The following LRBA variants were observed in gnomAD, a reference collection of about 807,000 sequenced individuals.
The protein encoded by LRBA is lipopolysaccharide-responsive and beige-like anchor protein.
In LRBA, 176 loss-of-function variants were observed where a neutral mutation model predicts 330.0. The ratio of observed to expected loss-of-function variants is 0.53; its 90% confidence interval spans 0.47 to 0.60. LRBA has a LOEUF of 0.60. Among genes scored for constraint, LRBA ranks in the 20% least tolerant of loss-of-function variants. The probability of loss-of-function intolerance (pLI) is 0.00; values close to 1 mark genes in which losing one functional copy is unlikely to be tolerated. For missense variants in LRBA, 3,259 were observed against 3,444.8 expected, an observed-to-expected ratio of 0.95 and a Z score of 1.35; for synonymous variants, 1,230 against 1,193.0, an observed-to-expected ratio of 1.03 and a Z score of -0.64.
At chr4:150,859,631 GAGGAGAGGCATAT>G (rs1453156846) in intron 22 of LRBA, among the ~76,000 whole-genome samples, 17 of 152,196 alleles carry the variant, frequency 1.1e-4, no homozygotes, top group African/African-American at 4.1e-4. Context: ...TCAGCTGCTG[GAGGAGAGGCATAT>G]AGTGACAAAC....
rs1286585435 is a variant in LRBA, at chr4:150,436,730, T to C, written c.6915A>G (p.Leu2305=). 4.3e-6 allele frequency: 7 copies of C among 1,611,994 alleles called. 1 individual carries two copies. Among genetic ancestry groups the C allele is most frequent in the Non-Finnish European group, 5.1e-6 (6 of 1,178,768 alleles). The change falls in exon 45 of 57, where the codon CTA becomes CTG. Residue 2305 remains leucine (L), a synonymous_variant. Coordinates refer to ENST00000651943, the MANE Select transcript of LRBA (RefSeq NM_001364905.1). ...STASFVLAWL[L]RIEPFTTYFL... ...TTATTCAAATTGAACTTACTATTCTTAGCAGCCATGCAAGAACAAAACTTG... is the reference window on the plus strand; with the variant it reads ...TTATTCAAATTGAACTTACTATTCTCAGCAGCCATGCAAGAACAAAACTTG...
At chr4:150,515,417 A>T (rs1219162727) in intron 40 of LRBA, among the ~76,000 whole-genome samples, 1 of 152,184 alleles carries the variant, frequency 6.6e-6, no homozygotes, top group Non-Finnish European at 1.5e-5. Flanking sequence ...TAAAATAAAG[A>T]CTTTTTACCA....
intron 34 of LRBA, among the ~76,000 whole-genome samples, chr4:150,787,629 T>C (rs1221597772): frequency 6.6e-6 from 1 of 152,210 alleles, no homozygotes; most frequent in East Asian, 1.9e-4. Context: ...AAATGGGGTA[T>C]CCATCCCCTC....
At chr4:150,739,682 C>T (rs1417644765) in intron 35 of LRBA, among the ~76,000 whole-genome samples, 1 of 152,192 alleles carries the variant, frequency 6.6e-6, no homozygotes, top group African/African-American at 2.4e-5. Context: ...TATTGACGCT[C>T]TCCCTTAATG....
At chr4:150,932,154 T>G (rs1257806008) in intron 2 of LRBA, among the ~76,000 whole-genome samples, 2 of 152,138 alleles carry the variant, frequency 1.3e-5, no homozygotes, top group African/African-American at 4.8e-5. Context: ...GTAAAAGCTT[T>G]TCTAACTAAG....
chr4:150,358,943 C>T (rs772601167), intron 47 of LRBA, among the ~76,000 whole-genome samples: 1 of 152,150 alleles, frequency 6.6e-6, no homozygotes, highest in Non-Finnish European at 1.5e-5. Context: ...AAGGAGCTGT[C>T]TGCATGGCAC....
intron 47 of LRBA, among the ~76,000 whole-genome samples, chr4:150,366,036 T>C (rs1739427421): frequency 6.6e-6 from 1 of 152,166 alleles, no homozygotes; most frequent in African/African-American, 2.4e-5. Context: ...TTGATTAGAT[T>C]TTTTTATTTT....
At chr4:150,996,765 TA>T (rs1230111937) in intron 2 of LRBA, among the ~76,000 whole-genome samples, 1 of 152,166 alleles carries the variant, frequency 6.6e-6, no homozygotes, top group Admixed American at 6.6e-5. Context: ...TCACACAGTA[TA>T]ACATGGTACA....
chr4:150,781,544 C>T (rs564638980), intron 34 of LRBA, among the ~76,000 whole-genome samples: 3 of 152,330 alleles, frequency 2.0e-5, no homozygotes, highest in South Asian at 4.1e-4. Context: ...TTCTAACAGT[C>T]CACAGACTGG....
At chr4:150,921,145 G>T in intron 5 of LRBA, 53 bp downstream of exon 5, 1 of 1,217,142 alleles carries the variant, frequency 8.2e-7, no homozygotes, top group Non-Finnish European at 1.2e-6. Flanking sequence ...TGTACTTTCA[G>T]GGAGCAAAGG....
At chr4:150,588,706 C>T (rs1005405079) in intron 39 of LRBA, among the ~76,000 whole-genome samples, 29 of 152,178 alleles carry the variant, frequency 1.9e-4, no homozygotes, top group African/African-American at 7.0e-4. Context: ...GACACAAAAC[C>T]TCTTCCATAA....
At chr4:150,819,049 C>T (rs1376197043) in intron 30 of LRBA, among the ~76,000 whole-genome samples, 1 of 151,852 alleles carries the variant, frequency 6.6e-6, no homozygotes, top group Non-Finnish European at 1.5e-5. Flanking sequence ...TGGTGCTATG[C>T]TTCTAGAATG....
At chr4:150,654,536 G>A (rs992135767) in intron 37 of LRBA, among the ~76,000 whole-genome samples, 13 of 151,928 alleles carry the variant, frequency 8.6e-5, no homozygotes, top group South Asian at 4.2e-4. Flanking sequence ...CTCTTCTATC[G>A]CCTTAAAGTC....
Position 150,829,745 on chromosome 4 carries a change from T to G in LRBA, c.4730-1124A>C, listed in dbSNP as rs530139391. On this transcript the variant is annotated intron_variant, in intron 29 of 56. Transcript: ENST00000651943. ...TCGTGGTATCATTCATTCTCCAAGT[T>G]TTAAATACCACTATATTTCCCCACC... Among the ~76,000 whole-genome samples, 13 of 152,298 alleles carry G rather than the reference T, an allele frequency of 8.5e-5. No individual in the cohort carries two copies. The East Asian group carries it at 2.5e-3, about 29-fold the overall frequency.
chr4:150,453,153 T>TA (rs1004478868), intron 44 of LRBA, among the ~76,000 whole-genome samples: 2 of 152,154 alleles, frequency 1.3e-5, no homozygotes, highest in African/African-American at 4.8e-5. Context: ...GCAATCCTAA[T>TA]AAAAAATCTA....
At chr4:150,736,522 AAGAT>A (rs1393682547) in intron 35 of LRBA, among the ~76,000 whole-genome samples, 1 of 152,136 alleles carries the variant, frequency 6.6e-6, no homozygotes, top group Non-Finnish European at 1.5e-5. Context: ...AATTTACTGA[AAGAT>A]AGGTCAATGA....
chr4:150,367,370 CA>C (rs1198929377), intron 47 of LRBA, among the ~76,000 whole-genome samples: 1 of 152,080 alleles, frequency 6.6e-6, no homozygotes, highest in Non-Finnish European at 1.5e-5. Context: ...CAAATTGAGC[CA>C]AAGAATCCAC....
At chr4:150,654,889 C>T (rs189899332) in intron 37 of LRBA, among the ~76,000 whole-genome samples, 333 of 152,234 alleles carry the variant, frequency 2.2e-3, no homozygotes, top group Non-Finnish European at 2.5e-3. Context: ...TTTTTTATGG[C>T]TGCATAGTAT....
chr4:150,862,488 T>C (rs1355663447), intron 22 of LRBA, among the ~76,000 whole-genome samples: 1 of 151,838 alleles, frequency 6.6e-6, no homozygotes, highest in Admixed American at 6.6e-5. Context: ...ATGAGAACAC[T>C]TGGACACAGG....
Sources: gnomAD v4.1 joint callset for allele counts (sites outside exome capture counted in the v4.1 genomes callset) on GRCh38, gnomAD v4.1.1 for gene constraint, MANE v1.5 for transcripts, NCBI Gene and HGNC (gene_info 2026-07-23, HGNC 2026-07-21) for gene names.